STRN3: variants seen among roughly 807,000 people sequenced by gnomAD.
The protein encoded by STRN3 is striatin 3.
STRN3 carries 29 observed loss-of-function variants against 95.6 expected under a neutral mutation model. The observed-to-expected ratio is 0.30, with a 90% CI of 0.23 to 0.41. The LOEUF is 0.41. STRN3 is among the 10% of genes least tolerant of loss of function. The pLI is 1.00. For synonymous variants in STRN3, 331 were observed against 357.6 expected (o/e 0.93, Z 0.84); for missense variants, 890 against 972.1 (o/e 0.92, Z 1.12).
At chr14:30,912,250 C>A in intron 10 of STRN3, 68 bp from the exon 11 acceptor site, 2 of 1,482,638 alleles carry the variant, frequency 1.3e-6, no homozygotes, top group South Asian at 1.4e-5. Flanking sequence ...AGTGTTTGTT[C>A]GTTTCTTTTT....
rs1160657883 is a variant in STRN3, at chr14:31,026,036, A to C, written c.150T>G (p.Gly50=). 6.5e-6 allele frequency: 10 copies of C among 1,531,592 alleles called. No homozygotes were observed. In the African/African-American group the frequency reaches 9.9e-5, roughly 15 times the overall value. The allele number at this position is 1,531,592 out of a possible 1,614,324, so 94.9% of individuals were successfully genotyped here. The stretch of plus-strand genomic sequence containing the variant: ...GGGACAGCTCGGGGCCTGCCGCGGG[A>C]CCCGCTCCCTCGGAGGCCGGAGGAC... ...GGGPPASEGA[G]PAAGPELSRP... is the part of the protein sequence containing the mutation. The change falls in exon 1 of 18, where the codon GGT becomes GGG. Residue 50 remains glycine, a synonymous_variant. Transcript: ENST00000357479.
At chr14:30,928,681 C>G (rs1878314765) in intron 8 of STRN3, among the ~76,000 whole-genome samples, 1 of 152,174 alleles carries the variant, frequency 6.6e-6, no homozygotes, top group Non-Finnish European at 1.5e-5. Context: ...TGGTTTCCTT[C>G]ACCACAGTAG....
chr14:30,988,590 G>A (rs1266153448), intron 1 of STRN3, among the ~76,000 whole-genome samples: 1 of 152,142 alleles, frequency 6.6e-6, no homozygotes, highest in African/African-American at 2.4e-5. Context: ...CATTTAAAAA[G>A]AGAAAGAGAA....
At chr14:30,955,765 A>G (rs1879872437) in intron 2 of STRN3, 72 bp from the exon 3 acceptor site, 1 of 1,161,442 alleles carries the variant, frequency 8.6e-7, no homozygotes, top group Non-Finnish European at 1.2e-6. Context: ...TATTACTCCA[A>G]TAACAAAACA....
intron 7 of STRN3, among the ~76,000 whole-genome samples, chr14:30,933,242 G>A (rs1171426185): frequency 1.1e-4 from 14 of 122,904 alleles, no homozygotes; most frequent in African/African-American, 3.7e-4. Flanking sequence ...TTGCACCACG[G>A]CACCCCAGCC....
At chr14:30,975,536 C>T (rs915317609) in intron 1 of STRN3, among the ~76,000 whole-genome samples, 2 of 98,488 alleles carry the variant, frequency 2.0e-5, no homozygotes, top group East Asian at 2.4e-4. Flanking sequence ...CCTATTCCCC[C>T]CTACTGAAAA....
intron 1 of STRN3, among the ~76,000 whole-genome samples, chr14:30,972,518 T>G (rs577658413): frequency 5.4e-4 from 82 of 152,164 alleles, no homozygotes; most frequent in Non-Finnish European, 1.1e-3. Flanking sequence ...AAAAGAAAAT[T>G]TTATATTCGA....
chr14:30,921,040 G>C (rs1896865089), intron 8 of STRN3, among the ~76,000 whole-genome samples: 1 of 148,974 alleles, frequency 6.7e-6, no homozygotes, highest in Non-Finnish European at 1.5e-5. Context: ...CCCATTCTCA[G>C]AAAGGTGAGA....
chr14:30,971,555 A>C (rs190445261), intron 1 of STRN3, among the ~76,000 whole-genome samples: 3 of 152,362 alleles, frequency 2.0e-5, no homozygotes, highest in Admixed American at 6.5e-5. Flanking sequence ...AATTAGGGGC[A>C]ATCAGCTAGA....
intron 3 of STRN3, among the ~76,000 whole-genome samples, chr14:30,953,818 T>C (rs1463613837): frequency 6.6e-6 from 1 of 152,142 alleles, no homozygotes; most frequent in East Asian, 1.9e-4. Context: ...TTTGTAGAGA[T>C]GAGGTTTTGC....
intron 1 of STRN3, among the ~76,000 whole-genome samples, chr14:30,967,932 G>A (rs1243134981): frequency 6.6e-6 from 1 of 152,066 alleles, no homozygotes; most frequent in African/African-American, 2.4e-5. Flanking sequence ...GGGTGGTGGG[G>A]GAACAACAGG....
intron 1 of STRN3, among the ~76,000 whole-genome samples, chr14:30,973,054 C>T (rs1287072461): frequency 1.3e-5 from 2 of 152,156 alleles, no homozygotes; most frequent in African/African-American, 2.4e-5. Context: ...ACAAAAAATA[C>T]AAAAATCAGC....
chr14:30,912,431 C>T, intron 10 of STRN3: 1 of 301,222 alleles, frequency 3.3e-6, no homozygotes, highest in Non-Finnish European at 6.0e-6. Context: ...CTGTTTTTAC[C>T]TATTAAGCTA....
intron 1 of STRN3, among the ~76,000 whole-genome samples, chr14:30,959,732 G>A (rs929159278): frequency 6.6e-6 from 1 of 151,796 alleles, no homozygotes; most frequent in Non-Finnish European, 1.5e-5. Context: ...GGGGGGTGGG[G>A]GAGAATTGCT....
intron 1 of STRN3, among the ~76,000 whole-genome samples, chr14:31,006,830 G>T (rs1481247492): frequency 6.6e-6 from 1 of 152,044 alleles, no homozygotes; most frequent in African/African-American, 2.4e-5. Context: ...TGTTAATGTA[G>T]CCTGGTGCAA....
rs1239548580 is a variant in STRN3, at chr14:30,947,195, A to C, written c.611T>G (p.Leu204Arg). The C allele has an allele frequency of 6.2e-7, 1 of 1,613,348 alleles. No homozygotes were observed. The highest frequency in any genetic ancestry group is 8.5e-7 in the Non-Finnish European group (1 of 1,179,638). The change falls in exon 5 of 18, where the codon CTT (leucine) becomes CGT (arginine). Residue 204 changes from leucine to arginine, a missense_variant. By Grantham distance (102) the Leu-to-Arg change is moderately radical (BLOSUM62 -2). This residue lies in a region of STRN3 where 526 missense variants were observed against 526.3 expected (regional missense o/e 1.00). Coordinates refer to ENST00000357479, the MANE Select transcript of STRN3 (RefSeq NM_001083893.2). ...DVRSQRVRSL[L>R]GLSNSEPNGS... is the part of the protein sequence containing the mutation. ...ATTTGGTTCTGAATTAGATAGTCCA[A>C]GTAATGACCTTACCCGCTGAGACCG...
At chr14:30,984,279 A>AC (rs1294045334) in intron 1 of STRN3, among the ~76,000 whole-genome samples, 4 of 149,610 alleles carry the variant, frequency 2.7e-5, no homozygotes, top group Non-Finnish European at 4.5e-5. Context: ...AAAAAAAAAA[A>AC]AAAAAAAAAA....
At position 30,913,645 on chromosome 14, in the gene STRN3, G is replaced by A. The variant is rs779885557; in HGVS notation, c.1253C>T (p.Thr418Met). ...GARAEEAEPI[T>M]FPSGGGKSFI... ...TGACTTGCCTCCTCCAGATGGAAAC[G>A]TTATTGGTTCAGCTATAAAGAACAA... The change falls in exon 10 of 18, where the codon ACG becomes ATG. Residue 418 changes from threonine to methionine, a missense_variant. By Grantham distance (81) the Thr-to-Met change is moderately conservative. Coordinates refer to ENST00000357479, the MANE Select transcript of STRN3 (RefSeq NM_001083893.2). 5 of 1,613,530 alleles carry A rather than the reference G, an allele frequency of 3.1e-6. No individual in the cohort carries two copies. The highest frequency in any genetic ancestry group is 1.1e-5 in the South Asian group (1 of 91,022).
chr14:30,899,428 G>A (rs1302527488), intron 16 of STRN3, among the ~76,000 whole-genome samples: 2 of 152,174 alleles, frequency 1.3e-5, no homozygotes, highest in Non-Finnish European at 2.9e-5. Context: ...GACTTGATTA[G>A]TTTTTCTAAA....
Sources: allele counts gnomAD v4.1 joint callset (sites outside exome capture counted in the v4.1 genomes callset), GRCh38; gene constraint gnomAD v4.1.1; regional missense constraint gnomAD v4.1.1; transcripts MANE v1.5; gene names NCBI Gene and HGNC (gene_info 2026-07-23, HGNC 2026-07-21).